ZNF525: variants seen among roughly 807,000 people sequenced by gnomAD.
The protein encoded by ZNF525 is zinc finger protein 525.
In ZNF525, 33 loss-of-function variants were observed where a neutral mutation model predicts 37.6. That is an observed-to-expected ratio of 0.88 (90% confidence interval 0.67 to 1.17). The LOEUF (loss-of-function observed/expected upper bound fraction) is 1.17, where lower values mean the gene tolerates loss of function less well. ZNF525 is among the 50% of genes most tolerant of loss of function. The pLI, the probability that ZNF525 is intolerant of heterozygous loss-of-function variation, is 0.00. For synonymous variants in ZNF525, 170 were observed against 182.3 expected (o/e 0.93, Z 0.54); for missense variants, 449 against 543.1 (o/e 0.83, Z 1.72).
Position 53,383,376 on chromosome 19 carries a change from A to C in ZNF525, c.*1357A>C. 8.5e-7 allele frequency: 1 copy of C among 1,172,288 alleles called. No homozygotes were observed. The highest frequency in any genetic ancestry group is 1.2e-6 in the Non-Finnish European group (1 of 817,404). 72.6% of individuals were successfully genotyped at this position (1,172,288 alleles called of 1,614,324 possible). On this transcript the variant is annotated 3_prime_UTR_variant, in exon 4 of 4. Transcript: ENST00000474037. ...AGCACACGTTGCACGTCATCATAGA[A>C]TTCATACTGGAGAGAAACCTTAGAA...
intron 2 of ZNF525, among the ~76,000 whole-genome samples, chr19:53,375,244 T>A (rs1005042052): frequency 6.6e-6 from 1 of 152,150 alleles, no homozygotes; most frequent in Non-Finnish European, 1.5e-5. Flanking sequence ...AAGACATCAC[T>A]CATACTCTGT....
At chr19:53,370,004 G>A (rs1017858722) in intron 1 of ZNF525, among the ~76,000 whole-genome samples, 5 of 150,908 alleles carry the variant, frequency 3.3e-5, no homozygotes, top group Admixed American at 1.3e-4. Context: ...GATTACAGGC[G>A]TGAGCCACCG....
Position 53,383,182 on chromosome 19 carries a change from T to G in ZNF525, c.*1163T>G, listed in dbSNP as rs2085580229. Reference sequence around the variant, plus strand: ...GTAATGAGTGTGGCAAGACCTACTCTCACAATTCAGTCCTTGTAATTCATA... The same window carrying G: ...GTAATGAGTGTGGCAAGACCTACTCGCACAATTCAGTCCTTGTAATTCATA... On this transcript the variant is annotated 3_prime_UTR_variant, in exon 4 of 4. Coordinates refer to ENST00000474037, the MANE Select transcript of ZNF525 (RefSeq NM_001348156.2). The G allele has an allele frequency of 7.3e-7, 1 of 1,375,654 alleles. No individual in the cohort carries two copies. The allele number at this position is 1,375,654 out of a possible 1,614,324, so 85.2% of individuals were successfully genotyped here. A position where few individuals can be genotyped will look rare whatever the true frequency, so the allele number is the denominator to read the frequency against.
chr19:53,370,785 C>A (rs1462030087), intron 1 of ZNF525, among the ~76,000 whole-genome samples: 3 of 152,166 alleles, frequency 2.0e-5, no homozygotes, highest in African/African-American at 4.8e-5. Context: ...GACATCACAG[C>A]CAAATCTAAA....
chr19:53,373,058 C>T (rs2085498334), intron 2 of ZNF525, among the ~76,000 whole-genome samples: 1 of 151,946 alleles, frequency 6.6e-6, no homozygotes, highest in South Asian at 2.1e-4. Context: ...TCTCATTCCA[C>T]CTGTTACAAT....
intron 1 of ZNF525, among the ~76,000 whole-genome samples, chr19:53,367,134 C>CT (rs367873512): frequency 0.033 from 4,960 of 151,388 alleles, 277 homozygotes; most frequent in African/African-American, 0.11. Context: ...CACGTTTGTC[C>CT]TTTTTTTTTC....
At position 53,378,473 on chromosome 19, in the gene ZNF525, G is replaced by C. The variant is rs143602334; in HGVS notation, c.143-2249G>C. 2.6e-5 allele frequency among the ~76,000 whole-genome samples: 4 copies of C among 152,264 alleles called. No individual in the cohort carries two copies. The East Asian group carries it at 7.7e-4, about 29-fold the overall frequency. Reference sequence around the variant, plus strand: ...ACAGGCTGAGGCGGGAGAATCTCTTGAGGCAGGAGAATCGTGCCACTACAC... The same window carrying C: ...ACAGGCTGAGGCGGGAGAATCTCTTCAGGCAGGAGAATCGTGCCACTACAC... On this transcript the variant is annotated intron_variant, in intron 3 of 3. Transcript: ENST00000474037.
chr19:53,370,010 C>G (rs2085475658), intron 1 of ZNF525, among the ~76,000 whole-genome samples: 2 of 151,086 alleles, frequency 1.3e-5, no homozygotes, highest in Admixed American at 1.3e-4. Context: ...AGGCGTGAGC[C>G]ACCGCGCCCG....
At chr19:53,375,989 CA>C in intron 3 of ZNF525, 93 bp downstream of exon 3, 1 of 1,598,002 alleles carries the variant, frequency 6.3e-7, no homozygotes, top group South Asian at 1.1e-5. Flanking sequence ...TCTCTGTCCC[CA>C]AGGGTGGGGT....
In ZNF525 at chr19:53,383,412, T is replaced by C. The variant is rs2085582232; in HGVS notation, c.*1393T>C. 7.4e-6 allele frequency: 8 copies of C among 1,081,974 alleles called. No individual in the cohort carries two copies. The South Asian group carries it at 8.7e-5, about 12-fold the overall frequency. The allele number at this position is 1,081,974 out of a possible 1,614,324, so 67.0% of individuals were successfully genotyped here. On this transcript the variant is annotated 3_prime_UTR_variant, in exon 4 of 4. Transcript: ENST00000474037. ...AGAGAAACCTTAGAAATGTGAAGAA[T>C]GTGACAAAGTTTACAGTCGCAAATC... is the stretch of plus-strand genomic sequence containing the variant.
intron 1 of ZNF525, among the ~76,000 whole-genome samples, chr19:53,367,245 G>T (rs574526433): frequency 1.3e-5 from 2 of 152,200 alleles, no homozygotes; most frequent in East Asian, 1.9e-4. Context: ...AGCTTGCTAG[G>T]CAGAGGAAAA....
At chr19:53,379,772 C>T (rs1414688566) in intron 3 of ZNF525, among the ~76,000 whole-genome samples, 1 of 152,090 alleles carries the variant, frequency 6.6e-6, no homozygotes, top group Non-Finnish European at 1.5e-5. Flanking sequence ...GAGGCTGAGG[C>T]GGGTGGATCA....
At chr19:53,372,822 C>T (rs1416983902) in intron 2 of ZNF525, among the ~76,000 whole-genome samples, 2 of 152,162 alleles carry the variant, frequency 1.3e-5, no homozygotes, top group African/African-American at 4.8e-5. Context: ...CATACACAGA[C>T]ATGAATGATA....
intron 1 of ZNF525, among the ~76,000 whole-genome samples, chr19:53,370,234 C>A (rs984344260): frequency 1.3e-5 from 2 of 150,042 alleles, no homozygotes; most frequent in African/African-American, 4.9e-5. Context: ...TCCTGGCTAA[C>A]TTGGTGAAAC....
Position 53,381,002 on chromosome 19 carries a change from A to T in ZNF525, c.423A>T (p.Gly141=). Residue 141 remains glycine (G), a synonymous_variant, in exon 4 of 4, where the codon GGA becomes GGT. Coordinates refer to ENST00000474037, the MANE Select transcript of ZNF525 (RefSeq NM_001348156.2). ...AGNKPIKYQL[G]SSFHSHLSEL... is the part of the protein sequence containing the mutation. ...ACAAGCCTATTAAATATCAGCTTGG[A>T]TCAAGCTTTCATTCACATCTGTCTG... The T allele has an allele frequency of 6.3e-7, 1 of 1,587,788 alleles. No individual in the cohort carries two copies. The highest frequency in any genetic ancestry group is 1.7e-5 in the Admixed American group (1 of 60,000).
intron 1 of ZNF525, among the ~76,000 whole-genome samples, chr19:53,370,619 C>A (rs2085481246): frequency 6.6e-6 from 1 of 151,938 alleles, no homozygotes; most frequent in Non-Finnish European, 1.5e-5. Context: ...TGTGGCTTTT[C>A]TTCTGGGAGA....
rs546443371 is a variant in ZNF525 at position 53,370,495 on chromosome 19, C to T, written c.-67-1720C>T. Among the ~76,000 whole-genome samples, 6 of 151,976 alleles carry T rather than the reference C, an allele frequency of 3.9e-5. No individual in the cohort carries two copies. The East Asian group carries it at 1.2e-3, about 30-fold the overall frequency. On this transcript the variant is annotated intron_variant, in intron 1 of 3. Transcript: ENST00000474037. ...GGGTAACTTGGTGAAAATTTCCCTG[C>T]TCTGAGCCCAGTGAGCCTCCCTGCA...
At chr19:53,372,709 T>C (rs2085496087) in intron 2 of ZNF525, among the ~76,000 whole-genome samples, 1 of 152,162 alleles carries the variant, frequency 6.6e-6, no homozygotes, top group African/African-American at 2.4e-5. Flanking sequence ...AGGAGACCAA[T>C]ATTGGGAAAT....
chr19:53,375,892 C>G lies in ZNF525; in HGVS notation c.138C>G (p.Ser46=). The G allele has an allele frequency of 6.2e-7, 1 of 1,613,494 alleles. No homozygotes were observed. The highest frequency in any genetic ancestry group is 8.5e-7 in the Non-Finnish European group (1 of 1,179,820). The part of the protein sequence containing the change: ...VMLENYRNLV[S]LGISSKCTMK... ...TGGAGAATTATAGGAACCTGGTCTCCCTGGGTGAGGATAACTTCCCTCCAG... is the reference window on the plus strand; with the variant it reads ...TGGAGAATTATAGGAACCTGGTCTCGCTGGGTGAGGATAACTTCCCTCCAG... Residue 46 remains serine, a synonymous_variant, in exon 3 of 4, where the codon TCC becomes TCG. Coordinates refer to ENST00000474037, the MANE Select transcript of ZNF525 (RefSeq NM_001348156.2).
Sources: gnomAD v4.1 joint callset for allele counts (sites outside exome capture counted in the v4.1 genomes callset) on GRCh38, gnomAD v4.1.1 for gene constraint, MANE v1.5 for transcripts, NCBI Gene and HGNC (gene_info 2026-07-23, HGNC 2026-07-21) for gene names.